CPN2: variants seen among roughly 807,000 people sequenced by gnomAD.
CPN2 encodes the protein carboxypeptidase N subunit 2.
For missense variants in CPN2, 620 were observed against 671.4 expected (o/e 0.92, Z 0.85); for synonymous variants, 336 against 318.4 (o/e 1.06, Z -0.59).
chr3:194,341,106 G>A lies in CPN2; in HGVS notation c.1597C>T (p.Arg533Trp), dbSNP rs141044584. The A allele has an allele frequency of 2.0e-5, 32 of 1,610,130 alleles. No individual in the cohort carries two copies. Among genetic ancestry groups the A allele is most frequent in the Admixed American group, 3.3e-5 (2 of 59,914 alleles). ...WDLRSSCGSL[R>W]LTVSIEARAA... ...CGAGCCTCGATAGACACGGTGAGCC[G>A]CAGAGAACCGCAGCTCGACCTCAGG... Residue 533 changes from arginine (R) to tryptophan (W), a missense_variant, in exon 2 of 2, where the codon CGG becomes TGG. Arg to Trp is a moderately radical substitution (Grantham distance 101). Transcript: ENST00000323830.
intron 1 of CPN2, among the ~76,000 whole-genome samples, chr3:194,345,259 A>C (rs779063752): frequency 6.6e-6 from 1 of 152,174 alleles, no homozygotes; most frequent in Non-Finnish European, 1.5e-5. Flanking sequence ...ACCCAGAACA[A>C]ATGACCCCCA....
Position 194,341,761 on chromosome 3 carries a change from G to T in CPN2, c.942C>A (p.Asn314Lys), listed in dbSNP as rs562070181. 1.3e-5 allele frequency: 21 copies of T among 1,614,140 alleles called. No individual in the cohort carries two copies. The highest frequency in any genetic ancestry group is 6.6e-5 in the South Asian group (6 of 91,074). The stretch of plus-strand genomic sequence containing the variant: ...TGTATGAGAGCATGAGGGAACGCAG[G>T]TTGGACAGGTGGGCAAAGGTGCCCT... ...VAEGTFAHLSNLRSLMLSYNA... is the reference protein window; with the variant it reads ...VAEGTFAHLSKLRSLMLSYNA... Residue 314 changes from asparagine (N) to lysine (K), a missense_variant, in exon 2 of 2, where the codon AAC (asparagine) becomes AAA (lysine). Physicochemically the swap from Asn to Lys is moderately conservative, Grantham distance 94 (BLOSUM62 0). Coordinates refer to ENST00000323830, the MANE Select transcript of CPN2 (RefSeq NM_001080513.4).
rs1712839924 is a variant in CPN2, at chr3:194,341,800, C to A, written c.903G>T (p.Leu301=). ...CAAAGGTGCCCTCAGCGACAGTCTC[C>A]AGCTGGTTATGGGTCAGAGACAGGC... The part of the protein sequence containing the change: ...LVGLSLTHNQ[L]ETVAEGTFAH... The change falls in exon 2 of 2, where the codon CTG becomes CTT. Residue 301 remains leucine, a synonymous_variant. Coordinates refer to ENST00000323830, the MANE Select transcript of CPN2 (RefSeq NM_001080513.4). 7 of 1,613,932 alleles carry A rather than the reference C, an allele frequency of 4.3e-6. No homozygotes were observed. Among genetic ancestry groups the A allele is most frequent in the Admixed American group, 1.7e-5 (1 of 60,028 alleles).
rs371810930 is a variant in CPN2, at chr3:194,342,091, C to A, written c.612G>T (p.Ala204=). 1 of 1,614,116 alleles carries A rather than the reference C, an allele frequency of 6.2e-7. No individual in the cohort carries two copies. The highest frequency in any genetic ancestry group is 2.2e-5 in the East Asian group (1 of 44,872). The part of the protein sequence containing the change: ...SLQTLKLSNN[A]LSGLPQGVFG... The stretch of plus-strand genomic sequence containing the variant: ...ACACACCCTGGGGGAGACCAGAGAG[C>A]GCGTTGTTGCTCAGCTTCAGGGTCT... The change falls in exon 2 of 2, where the codon GCG becomes GCT. Residue 204 remains alanine, a synonymous_variant. Coordinates refer to ENST00000323830, the MANE Select transcript of CPN2 (RefSeq NM_001080513.4).
chr3:194,342,658 C>A lies in CPN2; in HGVS notation c.45G>T (p.Leu15=), dbSNP rs1394368321. ...AWLLWTSLLL[L]ARPAQPCPMG... ...TGGGACAGGGCTGGGCAGGCCTGGCCAGGAGCAGGAGGGAGGTCCAGAGCA... is the reference window on the plus strand; with the variant it reads ...TGGGACAGGGCTGGGCAGGCCTGGCAAGGAGCAGGAGGGAGGTCCAGAGCA... Residue 15 remains leucine, a synonymous_variant, in exon 2 of 2, where the codon CTG becomes CTT. Coordinates refer to ENST00000323830, the MANE Select transcript of CPN2 (RefSeq NM_001080513.4). The A allele has an allele frequency of 6.3e-7, 1 of 1,595,622 alleles. No individual in the cohort carries two copies. Among genetic ancestry groups the A allele is most frequent in the African/African-American group, 1.3e-5 (1 of 74,352 alleles).
At chr3:194,350,739 C>T (rs1013587603) in intron 1 of CPN2, among the ~76,000 whole-genome samples, 1 of 151,986 alleles carries the variant, frequency 6.6e-6, no homozygotes, top group Non-Finnish European at 1.5e-5. Context: ...GCTTGTAATC[C>T]CAGCTACTCA....
At chr3:194,351,022 T>A (rs1392084885) in intron 1 of CPN2, among the ~76,000 whole-genome samples, 2 of 152,150 alleles carry the variant, frequency 1.3e-5, no homozygotes, top group African/African-American at 2.4e-5. Flanking sequence ...GACTGGCAGA[T>A]CTTCATCTCA....
In CPN2 at chr3:194,341,643, G is replaced by C. The variant is rs778571990; in HGVS notation, c.1060C>G (p.Pro354Ala). Residue 354 changes from proline to alanine, a missense_variant, in exon 2 of 2, where the codon CCA (proline) becomes GCA (alanine). Physicochemically the swap from Pro to Ala is conservative, Grantham distance 27. Coordinates refer to ENST00000323830, the MANE Select transcript of CPN2 (RefSeq NM_001080513.4). ...LGSNNLTALH[P>A]ALFQNLSKLE... is the part of the protein sequence containing the mutation. Reference sequence around the variant, plus strand: ...TTGGACAGGTTCTGGAAGAGGGCTGGGTGCAGCGCCGTAAGGTTGTTGCTG... The same window carrying C: ...TTGGACAGGTTCTGGAAGAGGGCTGCGTGCAGCGCCGTAAGGTTGTTGCTG... The C allele has an allele frequency of 1.9e-6, 3 of 1,614,190 alleles. No individual in the cohort carries two copies. In the South Asian group the frequency reaches 3.3e-5, roughly 18 times the overall value.
chr3:194,350,841 AT>A (rs1254918617), intron 1 of CPN2, among the ~76,000 whole-genome samples: 1 of 150,530 alleles, frequency 6.6e-6, no homozygotes, highest in African/African-American at 2.5e-5. Context: ...CAATAATTAT[AT>A]TAATAAATAA....
chr3:194,341,225 G>T lies in CPN2; in HGVS notation c.1478C>A (p.Ala493Asp). ...CCAGCGACACTGGGCCTGGTCACAG[G>T]CGAGCACCACGGTGCCCTCGGGGTT... is the stretch of plus-strand genomic sequence containing the variant. ...YSNPEGTVVL[A>D]CDQAQCRWLN... The change falls in exon 2 of 2, where the codon GCC becomes GAC. Residue 493 changes from alanine (A) to aspartate (D), a missense_variant. By Grantham distance (126) the Ala-to-Asp change is moderately radical. Coordinates refer to ENST00000323830, the MANE Select transcript of CPN2 (RefSeq NM_001080513.4). 6.2e-7 allele frequency: 1 copy of T among 1,613,590 alleles called. No individual in the cohort carries two copies. Among genetic ancestry groups the T allele is most frequent in the Middle Eastern group, 1.7e-4 (1 of 6,020 alleles).
Position 194,341,584 on chromosome 3 carries a change from C to T in CPN2, c.1119G>A (p.Leu373=), listed in dbSNP as rs1712824801. The change falls in exon 2 of 2, where the codon CTG becomes CTA. Residue 373 remains leucine, a synonymous_variant. Coordinates refer to ENST00000323830, the MANE Select transcript of CPN2 (RefSeq NM_001080513.4). ...LELLSLSKNQ[L]TTLPEGIFDT... ...CGAAGATGCCCTCCGGAAGTGTGGT[C>T]AGCTGGTTCTTGGAGAGGCTGAGCA... The T allele has an allele frequency of 6.2e-7, 1 of 1,614,130 alleles. No individual in the cohort carries two copies. The highest frequency in any genetic ancestry group is 8.5e-7 in the Non-Finnish European group (1 of 1,180,020).
At position 194,348,279 on chromosome 3, in the gene CPN2, C is replaced by A. The variant is rs112872094; in HGVS notation, c.-4+2963G>T. On this transcript the variant is annotated intron_variant, in intron 1 of 1. Coordinates refer to ENST00000323830, the MANE Select transcript of CPN2 (RefSeq NM_001080513.4). ...CCATCCGCTGCCCAGTTCAGCCCAC[C>A]CCACCCTCTGCCCAGTTCATCCCAC... is the stretch of plus-strand genomic sequence containing the variant. Among the ~76,000 whole-genome samples, 6 of 100,014 alleles carry A rather than the reference C, an allele frequency of 6.0e-5. 1 individual carries two copies. Among genetic ancestry groups the A allele is most frequent in the African/African-American group, 1.6e-4 (3 of 19,226 alleles). The allele number at this position is 100,014 out of a possible 152,430, so 65.6% of individuals were successfully genotyped here.
Position 194,342,023 on chromosome 3 carries a change from T to C in CPN2, c.680A>G (p.Asn227Ser), listed in dbSNP as rs763690821. Reference protein sequence around the residue: ...GSLQELFLDSNNISELPPQVF... With the variant: ...GSLQELFLDSSNISELPPQVF... The stretch of plus-strand genomic sequence containing the variant: ...CTGAGGGGGCAGCTCCGAGATGTTG[T>C]TGCTGTCCAGGAAGAGCTCCTGCAG... Residue 227 changes from asparagine to serine, a missense_variant, in exon 2 of 2, where the codon AAC becomes AGC. Coordinates refer to ENST00000323830, the MANE Select transcript of CPN2 (RefSeq NM_001080513.4). The C allele has an allele frequency of 2.5e-6, 4 of 1,614,044 alleles. No individual in the cohort carries two copies. The East Asian group carries it at 8.9e-5, about 36-fold the overall frequency.
At chr3:194,346,789 A>G (rs1326837920) in intron 1 of CPN2, among the ~76,000 whole-genome samples, 2 of 152,230 alleles carry the variant, frequency 1.3e-5, no homozygotes, top group Non-Finnish European at 2.9e-5. Flanking sequence ...CGAGCAGTGC[A>G]GCCCCAGCTC....
At position 194,341,678 on chromosome 3, in the gene CPN2, A is replaced by AC. The variant is rs1391921491; in HGVS notation, c.1024_1025insG (p.Leu342ArgfsTer54). 6.8e-6 allele frequency: 11 copies of AC among 1,614,012 alleles called. No homozygotes were observed. The highest frequency in any genetic ancestry group is 9.3e-6 in the Non-Finnish European group (11 of 1,180,038). ...CGTAAGGTTGTTGCTGCCCAGGTAG[A>AC]GTTTGACCAACTCCTCCAGGTCTCT... On this transcript the variant is annotated frameshift_variant, in exon 2 of 2. Transcript: ENST00000323830. LOFTEE classifies it low-confidence loss of function (END_TRUNC).
Position 194,341,178 on chromosome 3 carries a change from G to A in CPN2, c.1525C>T (p.Gln509Ter), listed in dbSNP as rs4974539. 582,408 of 1,612,932 alleles carry A rather than the reference G, an allele frequency of 0.36. 108,300 individuals carry two copies. The highest frequency in any genetic ancestry group is 0.39 in the Non-Finnish European group (459,295 of 1,179,682). Reference sequence around the variant, plus strand: ...TACTGCAGTCCCAGGGAGCCCTGCTGAGGAGAGAGCTGGACGTTCAGCCAG... The same window carrying A: ...TACTGCAGTCCCAGGGAGCCCTGCTAAGGAGAGAGCTGGACGTTCAGCCAG... ...CRWLNVQLSP[Q>*]QGSLGLQYNA... Residue 509 changes from glutamine to a stop codon, truncating the protein, a stop_gained, in exon 2 of 2, where the codon CAG becomes TAG. Coordinates refer to ENST00000323830, the MANE Select transcript of CPN2 (RefSeq NM_001080513.4). LOFTEE classifies it low-confidence loss of function (END_TRUNC).
intron 1 of CPN2, among the ~76,000 whole-genome samples, chr3:194,349,293 G>A (rs1041098435): frequency 6.6e-6 from 1 of 152,110 alleles, no homozygotes; most frequent in Non-Finnish European, 1.5e-5. Flanking sequence ...CCCGGGAGGC[G>A]GAGGTTGCAG....
intron 1 of CPN2, among the ~76,000 whole-genome samples, chr3:194,345,057 A>T (rs9868662): frequency 6.6e-6 from 1 of 152,054 alleles, no homozygotes; most frequent in Non-Finnish European, 1.5e-5. Context: ...CTGGAGGTAC[A>T]TGTCTCCACC....
Position 194,340,036 on chromosome 3 carries a change from G to A in CPN2, c.*1029C>T, listed in dbSNP as rs1712743728. 1 of 152,232 alleles carries A rather than the reference G, an allele frequency of 6.6e-6. No individual in the cohort carries two copies. Among genetic ancestry groups the A allele is most frequent in the African/African-American group, 2.4e-5 (1 of 41,462 alleles). 9.4% of individuals were successfully genotyped at this position (152,232 alleles called of 1,614,324 possible). ...TCTGGTTGACAATTGGTTGAGCTTAGCTGAAGACCTGGGATCAATGGAAAG... is the reference window on the plus strand; with the variant it reads ...TCTGGTTGACAATTGGTTGAGCTTAACTGAAGACCTGGGATCAATGGAAAG... On this transcript the variant is annotated 3_prime_UTR_variant, in exon 2 of 2. Transcript: ENST00000323830.
Sources: allele counts gnomAD v4.1 joint callset (sites outside exome capture counted in the v4.1 genomes callset), GRCh38; gene constraint gnomAD v4.1.1; transcripts MANE v1.5; gene names NCBI Gene and HGNC (gene_info 2026-07-23, HGNC 2026-07-21).